ATRNL1: variants seen among roughly 807,000 people sequenced by gnomAD.
ATRNL1 encodes the protein attractin-like protein 1.
Under a neutral mutation model 182.7 loss-of-function variants are expected in ATRNL1, and 95 were observed. The observed-to-expected ratio is 0.52, with a 90% CI of 0.44 to 0.62. ATRNL1 has a LOEUF of 0.62. Among genes scored for constraint, ATRNL1 ranks in the 20% least tolerant of loss-of-function variants. The probability of loss-of-function intolerance (pLI) is 0.00; values close to 1 mark genes in which losing one functional copy is unlikely to be tolerated. For synonymous variants in ATRNL1, 576 were observed against 568.3 expected, an observed-to-expected ratio of 1.01 and a Z score of -0.19; for missense variants, 1,471 against 1,679.5, an observed-to-expected ratio of 0.88 and a Z score of 2.17.
intron 10 of ATRNL1, among the ~76,000 whole-genome samples, chr10:115,253,400 C>T (rs549901507): frequency 6.6e-6 from 1 of 152,240 alleles, no homozygotes; most frequent in Non-Finnish European, 1.5e-5. Context: ...GTTCCTCAGG[C>T]AGTTTGTGAG....
rs529965019 is a variant in ATRNL1, at chr10:115,254,278, C to T, written c.1688-10915C>T. On this transcript the variant is annotated intron_variant, in intron 10 of 28. Transcript: ENST00000355044. The stretch of plus-strand genomic sequence containing the variant: ...CAGTGTAAAAACATTCCTATTTCTC[C>T]GCATCCTCTCCAACATCTGTTGTTT... 2.0e-4 allele frequency among the ~76,000 whole-genome samples: 31 copies of T among 152,262 alleles called. No homozygotes were observed. The East Asian group carries it at 5.0e-3, about 25-fold the overall frequency.
At chr10:115,505,335 T>C (rs1192896843) in intron 24 of ATRNL1, among the ~76,000 whole-genome samples, 1 of 152,088 alleles carries the variant, frequency 6.6e-6, no homozygotes, top group African/African-American at 2.4e-5. Context: ...TAAACAAAGA[T>C]ATTTCTAAGT....
chr10:115,772,853 C>T (rs1251224982), intron 27 of ATRNL1, among the ~76,000 whole-genome samples: 4 of 152,088 alleles, frequency 2.6e-5, no homozygotes, highest in Non-Finnish European at 5.9e-5. Context: ...CTGCATGATT[C>T]AGCTGTACTG....
intron 20 of ATRNL1, among the ~76,000 whole-genome samples, chr10:115,410,473 C>T (rs1453096958): frequency 5.3e-5 from 8 of 151,718 alleles, no homozygotes; most frequent in Non-Finnish European, 7.4e-5. Context: ...AGGTGTGCAC[C>T]ACACACCCAG....
At chr10:115,885,756 G>T (rs1951930028) in intron 28 of ATRNL1, among the ~76,000 whole-genome samples, 1 of 152,098 alleles carries the variant, frequency 6.6e-6, no homozygotes, top group South Asian at 2.1e-4. Flanking sequence ...ACATTCCAAT[G>T]AAGTATTATT....
chr10:115,152,880 A>G (rs1279676094), intron 5 of ATRNL1, among the ~76,000 whole-genome samples: 1 of 152,186 alleles, frequency 6.6e-6, no homozygotes, highest in Admixed American at 6.5e-5. Context: ...TTATTTTGAG[A>G]TACATCCCAT....
intron 8 of ATRNL1, among the ~76,000 whole-genome samples, chr10:115,213,982 C>T (rs1164851492): frequency 6.6e-6 from 1 of 150,976 alleles, no homozygotes; most frequent in Admixed American, 6.6e-5. Flanking sequence ...AGAATGATGC[C>T]CCAAATGTCT....
rs368899623 is a variant in ATRNL1 at position 115,731,001 on chromosome 10, T to C, written c.3903+3646T>C. On this transcript the variant is annotated intron_variant, in intron 27 of 28. Transcript: ENST00000355044. ...AGGCCAGTCTAGTCTTTTCGTGTTT[T>C]TTTCTGCCTGCTTTATATTCTAGTC... Among the ~76,000 whole-genome samples, 11 of 152,216 alleles carry C rather than the reference T, an allele frequency of 7.2e-5. No individual in the cohort carries two copies. The East Asian group carries it at 1.4e-3, about 19-fold the overall frequency.
At chr10:115,784,301 C>T (rs577665159) in intron 27 of ATRNL1, among the ~76,000 whole-genome samples, 9 of 152,232 alleles carry the variant, frequency 5.9e-5, no homozygotes, top group African/African-American at 1.2e-4. Flanking sequence ...TGAGTCTTGC[C>T]TTCAAATCCA....
At chr10:115,816,377 G>T (rs561658788) in intron 27 of ATRNL1, among the ~76,000 whole-genome samples, 56 of 152,168 alleles carry the variant, frequency 3.7e-4, no homozygotes, top group Admixed American at 7.9e-4. Context: ...TGTATAAGTC[G>T]TTCATTCATT....
chr10:115,766,263 A>T (rs114425431), intron 27 of ATRNL1, among the ~76,000 whole-genome samples: 32 of 152,334 alleles, frequency 2.1e-4, no homozygotes, highest in African/African-American at 7.0e-4. Flanking sequence ...AGATATTGCC[A>T]AATTGATCAT....
At chr10:115,865,630 C>CA (rs781876801) in intron 28 of ATRNL1, among the ~76,000 whole-genome samples, 14 of 152,156 alleles carry the variant, frequency 9.2e-5, no homozygotes, top group Non-Finnish European at 1.8e-4. Flanking sequence ...CCCTATCTTA[C>CA]AGGTAAAGAA....
chr10:115,589,311 T>G (rs1327546856), intron 26 of ATRNL1, among the ~76,000 whole-genome samples: 3 of 152,060 alleles, frequency 2.0e-5, no homozygotes, highest in Non-Finnish European at 4.4e-5. Context: ...CTACTTAAAA[T>G]TAATTACTCT....
chr10:115,526,342 A>G (rs1325470096), intron 25 of ATRNL1, among the ~76,000 whole-genome samples: 2 of 152,156 alleles, frequency 1.3e-5, no homozygotes, highest in Non-Finnish European at 2.9e-5. Context: ...ATTTAAAGCT[A>G]TGAAAGAGAC....
At chr10:115,465,540 T>C (rs1848011848) in intron 22 of ATRNL1, among the ~76,000 whole-genome samples, 2 of 151,744 alleles carry the variant, frequency 1.3e-5, no homozygotes, top group South Asian at 2.1e-4. Flanking sequence ...TTGACAGTTT[T>C]GTGGCATGTA....
intron 1 of ATRNL1, among the ~76,000 whole-genome samples, chr10:115,113,851 T>C (rs1844364032): frequency 6.6e-6 from 1 of 152,248 alleles, no homozygotes; most frequent in Non-Finnish European, 1.5e-5. Context: ...AAGACTGCAT[T>C]GACATGGTTA....
intron 15 of ATRNL1, among the ~76,000 whole-genome samples, chr10:115,297,449 G>T (rs1464288126): frequency 1.3e-5 from 2 of 151,834 alleles, no homozygotes. Flanking sequence ...AGACCATCCC[G>T]GCTAACACAA....
At chr10:115,397,005 A>G (rs1176370994) in intron 20 of ATRNL1, among the ~76,000 whole-genome samples, 1 of 151,956 alleles carries the variant, frequency 6.6e-6, no homozygotes, top group Non-Finnish European at 1.5e-5. Flanking sequence ...AGTATTTTGT[A>G]GGTGGTATTT....
At chr10:115,541,615 A>C (rs945042772) in intron 25 of ATRNL1, among the ~76,000 whole-genome samples, 2 of 152,220 alleles carry the variant, frequency 1.3e-5, no homozygotes, top group Admixed American at 6.5e-5. Flanking sequence ...AAAATACCCA[A>C]AAATAATAGA....
Sources: allele counts gnomAD v4.1 joint callset (sites outside exome capture counted in the v4.1 genomes callset), GRCh38; gene constraint gnomAD v4.1.1; transcripts MANE v1.5; gene names NCBI Gene and HGNC (gene_info 2026-07-23, HGNC 2026-07-21).